The following QTMAN variants were observed in gnomAD, a reference collection of about 807,000 sequenced individuals.
QTMAN encodes tRNA-queuosine alpha-mannosyltransferase.
the QTMAN span, among the ~76,000 whole-genome samples, chr2:144,045,151 A>G: frequency 6.6e-6 from 1 of 152,252 alleles, no homozygotes; most frequent in African/African-American, 2.4e-5. Flanking sequence ...GTTCCACTTC[A>G]GCACTAGGGA....
the QTMAN span, among the ~76,000 whole-genome samples, chr2:144,275,030 G>A: frequency 2.6e-5 from 4 of 151,986 alleles, no homozygotes; most frequent in Admixed American, 6.6e-5. Context: ...TGTTAACAGT[G>A]TTGAGTGCTA....
the QTMAN span, among the ~76,000 whole-genome samples, chr2:144,165,124 C>A: frequency 6.6e-6 from 1 of 152,102 alleles, no homozygotes; most frequent in African/African-American, 2.4e-5. Flanking sequence ...GTAATCCCAG[C>A]ACTTTGGTAG....
At chr2:144,034,436 CA>C in the QTMAN span, among the ~76,000 whole-genome samples, 1 of 152,154 alleles carries the variant, frequency 6.6e-6, no homozygotes, top group Admixed American at 6.5e-5. Flanking sequence ...CAACACCTAG[CA>C]CTAATCCTGG....
chr2:144,254,924 T>A, the QTMAN span, among the ~76,000 whole-genome samples: 1 of 152,342 alleles, frequency 6.6e-6, no homozygotes. Flanking sequence ...ATGGGGCCTG[T>A]AGCCCCTTTG....
At chr2:144,110,350 T>C in the QTMAN span, among the ~76,000 whole-genome samples, 2 of 151,742 alleles carry the variant, frequency 1.3e-5, no homozygotes, top group African/African-American at 2.4e-5. Context: ...ATGAGAACAC[T>C]TGGACACAGG....
chr2:144,261,038 T>TC, the QTMAN span, among the ~76,000 whole-genome samples: 1 of 152,172 alleles, frequency 6.6e-6, no homozygotes, highest in Non-Finnish European at 1.5e-5. Context: ...AAAACTGTTT[T>TC]CTCTCACTCT....
the QTMAN span, among the ~76,000 whole-genome samples, chr2:144,264,880 T>C: frequency 6.6e-6 from 1 of 152,348 alleles, no homozygotes; most frequent in East Asian, 1.9e-4. Flanking sequence ...TGACTTCCCA[T>C]GTATCTTGCC....
At chr2:144,014,392 G>C in the QTMAN span, among the ~76,000 whole-genome samples, 1 of 152,076 alleles carries the variant, frequency 6.6e-6, no homozygotes, top group Admixed American at 6.6e-5. Flanking sequence ...GCTTCTCATG[G>C]TACAAACTTT....
At chr2:144,182,818 T>TATTATATATTTTA in the QTMAN span, among the ~76,000 whole-genome samples, 1 of 60,062 alleles carries the variant, frequency 1.7e-5, no homozygotes, top group African/African-American at 1.1e-4. Flanking sequence ...AATATATATA[T>TATTATATATTTTA]TATATATATA....
the QTMAN span, among the ~76,000 whole-genome samples, chr2:144,325,863 C>T: frequency 2.0e-5 from 3 of 152,136 alleles, no homozygotes; most frequent in East Asian, 1.9e-4. Context: ...ATTTTTAATA[C>T]GGAGTGTTTG....
chr2:144,229,190 C>A, the QTMAN span, among the ~76,000 whole-genome samples: 1 of 152,182 alleles, frequency 6.6e-6, no homozygotes, highest in Non-Finnish European at 1.5e-5. Context: ...TAATCATTCT[C>A]TATGTATGTT....
the QTMAN span, among the ~76,000 whole-genome samples, chr2:144,330,437 A>C: frequency 1.4e-4 from 22 of 152,320 alleles, no homozygotes; most frequent in African/African-American, 5.3e-4. Flanking sequence ...CACATGACTA[A>C]ACCACGGTTT....
chr2:144,297,190 C>CCAT, the QTMAN span, among the ~76,000 whole-genome samples: 4 of 152,238 alleles, frequency 2.6e-5, no homozygotes, highest in East Asian at 7.7e-4. Flanking sequence ...TAGTGAACCA[C>CCAT]CATCACCCAG....
chr2:144,235,425 A>G, the QTMAN span, among the ~76,000 whole-genome samples: 2 of 152,158 alleles, frequency 1.3e-5, no homozygotes, highest in Non-Finnish European at 1.5e-5. Context: ...ATTAAAAGAA[A>G]AGTAGAGAAT....
chr2:144,279,260 G>A, the QTMAN span, among the ~76,000 whole-genome samples: 1 of 151,732 alleles, frequency 6.6e-6, no homozygotes, highest in East Asian at 1.9e-4. Flanking sequence ...CAGGCAGACA[G>A]TGAAAAGACA....
chr2:144,085,332 G>T, the QTMAN span, among the ~76,000 whole-genome samples: 4 of 152,230 alleles, frequency 2.6e-5, no homozygotes, highest in Non-Finnish European at 5.9e-5. Flanking sequence ...AGCATAATAA[G>T]ATTCATTGGT....
chr2:143,995,472 T>C, the QTMAN span, among the ~76,000 whole-genome samples: 50 of 152,190 alleles, frequency 3.3e-4, no homozygotes, highest in South Asian at 1.2e-3. Context: ...TGCCAGGAAC[T>C]GTGCTAACGC....
At chr2:144,112,663 T>C in the QTMAN span, among the ~76,000 whole-genome samples, 2 of 152,200 alleles carry the variant, frequency 1.3e-5, no homozygotes, top group Non-Finnish European at 2.9e-5. Flanking sequence ...AGAACCTAGA[T>C]TTCCAGCTTT....
At chr2:143,984,892 T>C in the QTMAN span, among the ~76,000 whole-genome samples, 1 of 152,150 alleles carries the variant, frequency 6.6e-6, no homozygotes, top group Non-Finnish European at 1.5e-5. Context: ...GTCCTCCACA[T>C]TTACCACTCT....
Sources: allele counts gnomAD v4.1 joint callset (sites outside exome capture counted in the v4.1 genomes callset), GRCh38; gene constraint gnomAD v4.1.1; transcripts MANE v1.5; gene names NCBI Gene and HGNC (gene_info 2026-07-23, HGNC 2026-07-21).